The following ADGRB3 variants were observed in gnomAD, a reference collection of about 807,000 sequenced individuals.
ADGRB3 encodes brain-specific angiogenesis inhibitor 3.
In ADGRB3, 37 loss-of-function variants were observed where a neutral mutation model predicts 193.4. That is an observed-to-expected ratio of 0.19 (90% CI 0.15 to 0.25). The LOEUF (loss-of-function observed/expected upper bound fraction) is 0.25. Ranked by LOEUF, ADGRB3 falls within the 10% of genes least tolerant of loss-of-function variation. The pLI, the probability that ADGRB3 is intolerant of heterozygous loss-of-function variation, is 1.00. For missense variants in ADGRB3, 1,637 were observed against 1,852.9 expected (o/e 0.88, Z 2.14); for synonymous variants, 690 against 644.2 (o/e 1.07, Z -1.08).
At chr6:68,975,860 C>T (rs530436166) in intron 10 of ADGRB3, among the ~76,000 whole-genome samples, 11 of 152,130 alleles carry the variant, frequency 7.2e-5, no homozygotes, top group African/African-American at 2.4e-4. Context: ...CCAAATTTTC[C>T]AAAAAATAGC....
At chr6:68,885,641 A>G (rs1026526863) in intron 3 of ADGRB3, among the ~76,000 whole-genome samples, 18 of 152,310 alleles carry the variant, frequency 1.2e-4, no homozygotes, top group African/African-American at 4.1e-4. Flanking sequence ...GTAGAGTACA[A>G]TGGTGGCTAC....
chr6:69,216,190 G>A (rs1041872004), intron 17 of ADGRB3, among the ~76,000 whole-genome samples: 12 of 152,102 alleles, frequency 7.9e-5, no homozygotes, highest in Non-Finnish European at 1.6e-4. Flanking sequence ...TGGATGGATG[G>A]ATGAAAAGCT....
intron 3 of ADGRB3, among the ~76,000 whole-genome samples, chr6:68,816,675 T>C (rs187550084): frequency 3.0e-4 from 45 of 152,174 alleles, no homozygotes; most frequent in Middle Eastern, 3.4e-3. Context: ...ACACTAGATG[T>C]TTGATTCCTT....
At chr6:68,882,402 A>C (rs1021351426) in intron 3 of ADGRB3, among the ~76,000 whole-genome samples, 1 of 152,216 alleles carries the variant, frequency 6.6e-6, no homozygotes, top group African/African-American at 2.4e-5. Flanking sequence ...GGAATTTTCC[A>C]TGTGAATATA....
chr6:69,048,431 GA>G, intron 14 of ADGRB3, 97 bp downstream of exon 14: 1 of 1,197,620 alleles, frequency 8.3e-7, no homozygotes, highest in Admixed American at 2.5e-5. Context: ...AAACAGTTTA[GA>G]AATAGTCTGT....
At chr6:69,228,868 T>G (rs1766076559) in intron 17 of ADGRB3, among the ~76,000 whole-genome samples, 2 of 151,524 alleles carry the variant, frequency 1.3e-5, no homozygotes, top group Non-Finnish European at 2.9e-5. Flanking sequence ...TTAAAACAAG[T>G]TTCTAAATTC....
intron 3 of ADGRB3, among the ~76,000 whole-genome samples, chr6:68,892,646 C>T (rs74536773): frequency 1.3e-5 from 2 of 151,932 alleles, no homozygotes; most frequent in Admixed American, 1.3e-4. Context: ...CTCAGAGGGC[C>T]TGGGTTGTGC....
chr6:68,871,093 G>T (rs1765443296), intron 3 of ADGRB3, among the ~76,000 whole-genome samples: 1 of 152,168 alleles, frequency 6.6e-6, no homozygotes, highest in African/African-American at 2.4e-5. Flanking sequence ...TACTAAGGCG[G>T]ATGGAAAAGT....
chr6:68,988,755 C>CAGCG (rs1237137844), intron 10 of ADGRB3, among the ~76,000 whole-genome samples: 2 of 152,134 alleles, frequency 1.3e-5, no homozygotes, highest in African/African-American at 4.8e-5. Flanking sequence ...CTCACACAAG[C>CAGCG]AGCGATGCCC....
rs182727902 is a variant in ADGRB3, at chr6:68,830,804, G to C, written c.758-99755G>C. Among the ~76,000 whole-genome samples the C allele has an allele frequency of 3.9e-3, 593 of 152,004 alleles. 2 individuals are homozygous for C. Among genetic ancestry groups the C allele is most frequent in the Non-Finnish European group, 6.8e-3 (461 of 67,964 alleles). Reference sequence around the variant, plus strand: ...GCCGAGGGTGGTAATCTTTACTCTGGAGCATGGGTCAGGGAGTGGGGAGGG... The same window carrying C: ...GCCGAGGGTGGTAATCTTTACTCTGCAGCATGGGTCAGGGAGTGGGGAGGG... On this transcript the variant is annotated intron_variant, in intron 3 of 31. Coordinates refer to ENST00000370598, the MANE Select transcript of ADGRB3 (RefSeq NM_001704.3).
intron 6 of ADGRB3, among the ~76,000 whole-genome samples, chr6:68,954,618 C>G (rs1768018729): frequency 1.3e-5 from 2 of 152,046 alleles, no homozygotes; most frequent in African/African-American, 2.4e-5. Context: ...GTAATTTGTT[C>G]TCAATCCTAC....
At chr6:69,158,543 G>A (rs956077166) in intron 17 of ADGRB3, among the ~76,000 whole-genome samples, 29 of 151,582 alleles carry the variant, frequency 1.9e-4, no homozygotes, top group Admixed American at 9.9e-4. Flanking sequence ...TTATGCTTCA[G>A]TCAAATGAAA....
intron 13 of ADGRB3, among the ~76,000 whole-genome samples, chr6:69,028,461 A>G (rs1770503784): frequency 6.6e-6 from 1 of 152,226 alleles, no homozygotes; most frequent in Admixed American, 6.5e-5. Flanking sequence ...TGTTATGTGT[A>G]ATAGAACTAG....
chr6:69,039,438 T>C (rs938097148), intron 13 of ADGRB3, among the ~76,000 whole-genome samples: 14 of 152,110 alleles, frequency 9.2e-5, no homozygotes, highest in Non-Finnish European at 1.6e-4. Flanking sequence ...ACCGTATGTC[T>C]AAGATGATGT....
At chr6:69,249,041 G>A (rs897580242) in intron 20 of ADGRB3, among the ~76,000 whole-genome samples, 9 of 152,166 alleles carry the variant, frequency 5.9e-5, no homozygotes, top group Middle Eastern at 3.4e-3. Flanking sequence ...GCAGTAGCGC[G>A]ATCTTGGCTC....
At chr6:68,769,310 C>T (rs1196986106) in intron 3 of ADGRB3, among the ~76,000 whole-genome samples, 2 of 152,152 alleles carry the variant, frequency 1.3e-5, no homozygotes, top group Non-Finnish European at 2.9e-5. Context: ...CAATGATAGA[C>T]TGGATAAATA....
chr6:68,772,890 AAAAAATATATATATATATATATATATAT>A (rs1766657487), intron 3 of ADGRB3, among the ~76,000 whole-genome samples: 3 of 46,120 alleles, frequency 6.5e-5, no homozygotes, highest in Admixed American at 2.9e-4. Context: ...AACAAAAAAA[AAAAAATATATATATATATATATATATAT>A]ATATATATAT....
chr6:69,059,454 CA>C (rs575635190), intron 15 of ADGRB3, among the ~76,000 whole-genome samples: 91 of 151,988 alleles, frequency 6.0e-4, no homozygotes, highest in Non-Finnish European at 1.2e-3. Flanking sequence ...TAAGACTCTG[CA>C]AAAAAATGTG....
At chr6:69,064,919 A>G (rs1384727556) in intron 16 of ADGRB3, among the ~76,000 whole-genome samples, 2 of 152,132 alleles carry the variant, frequency 1.3e-5, no homozygotes, top group Non-Finnish European at 2.9e-5. Context: ...TCTGTCTTTT[A>G]TGTTCTGGAA....
Sources: allele counts gnomAD v4.1 joint callset (sites outside exome capture counted in the v4.1 genomes callset), GRCh38; gene constraint gnomAD v4.1.1; transcripts MANE v1.5; gene names NCBI Gene and HGNC (gene_info 2026-07-23, HGNC 2026-07-21).